Variants in ERICH1 observed in about 807,000 individuals in gnomAD.
ERICH1 encodes glutamate rich 1, also known as glutamate-rich protein 1.
Under a neutral mutation model 39.6 loss-of-function variants are expected in ERICH1, and 56 were observed. That is an observed-to-expected ratio of 1.41 (90% confidence interval 1.14 to 1.77). The LOEUF is 1.77. ERICH1 is among the 40% of genes most tolerant of loss of function. The pLI is 0.00. For missense variants in ERICH1, 826 were observed against 575.4 expected (o/e 1.44, Z -4.45); for synonymous variants, 313 against 223.6 (o/e 1.40, Z -3.57).
At chr8:618,631 G>T (rs1797087548) in intron 3 of ERICH1, among the ~76,000 whole-genome samples, 2 of 152,190 alleles carry the variant, frequency 1.3e-5, no homozygotes, top group African/African-American at 4.8e-5. Flanking sequence ...CTGTGAAATG[G>T]GTGTGACTGA....
At chr8:706,802 T>C (rs1198778544) in intron 2 of ERICH1, among the ~76,000 whole-genome samples, 2 of 151,830 alleles carry the variant, frequency 1.3e-5, no homozygotes, top group African/African-American at 4.8e-5. Context: ...AAGATAAAAC[T>C]GCACTCTGAA....
intron 5 of ERICH1, among the ~76,000 whole-genome samples, chr8:665,178 G>A (rs1376184517): frequency 3.4e-5 from 5 of 148,316 alleles, no homozygotes; most frequent in South Asian, 4.3e-4. Context: ...CCACAATCGC[G>A]ATGCCACAAT....
chr8:680,760 C>G (rs1435274197), intron 3 of ERICH1, among the ~76,000 whole-genome samples: 5 of 152,218 alleles, frequency 3.3e-5, no homozygotes, highest in Non-Finnish European at 7.3e-5. Context: ...AGGAATGTGC[C>G]ACCAACACAC....
chr8:641,912 T>A (rs890546250), intron 3 of ERICH1, among the ~76,000 whole-genome samples: 3 of 152,172 alleles, frequency 2.0e-5, no homozygotes, highest in African/African-American at 7.2e-5. Flanking sequence ...CGTCCTCCAG[T>A]CTCCACTGGT....
rs374925158 is a variant in ERICH1 at position 656,721 on chromosome 8, G to C, written c.976+11877C>G. 496 of 981,908 alleles carry C rather than the reference G, an allele frequency of 5.1e-4. 7 individuals are homozygous for C. In the African/African-American group the frequency reaches 7.9e-3, roughly 16 times the overall value. The allele number at this position is 981,908 out of a possible 1,614,324, so 60.8% of individuals were successfully genotyped here. On this transcript the variant is annotated intron_variant, in intron 3 of 3. Transcript: ENST00000522706. ...TTCACGCTGTGTCTTTCCTGCTGCAGGTCTGGGAAGAACATTTCTACAAGG... is the reference window on the plus strand; with the variant it reads ...TTCACGCTGTGTCTTTCCTGCTGCACGTCTGGGAAGAACATTTCTACAAGG...
intron 5 of ERICH1, chr8:666,708 C>A (rs910529909): frequency 6.6e-6 from 1 of 152,520 alleles, no homozygotes; most frequent in African/African-American, 2.4e-5. Context: ...GTCTGACTGG[C>A]ACCTGCATAG....
intron 3 of ERICH1, among the ~76,000 whole-genome samples, chr8:629,412 TCA>T (rs1797800388): frequency 7.4e-6 from 1 of 134,770 alleles, no homozygotes; most frequent in African/African-American, 2.8e-5. Context: ...CAGAGCTGAC[TCA>T]CACCCTCCTG....
chr8:665,056 G>T (rs1801977925), intron 5 of ERICH1, among the ~76,000 whole-genome samples: 1 of 152,218 alleles, frequency 6.6e-6, no homozygotes, highest in Non-Finnish European at 1.5e-5. Flanking sequence ...TCAAGGGTGA[G>T]CAAGTAGAAA....
chr8:707,207 T>TC (rs1491391403), intron 2 of ERICH1, among the ~76,000 whole-genome samples: 1 of 109,374 alleles, frequency 9.1e-6, no homozygotes, highest in Non-Finnish European at 2.0e-5. Context: ...TTTTTTTGTT[T>TC]CTTTTTTTTT....
At chr8:677,525 C>A (rs557318421) in intron 3 of ERICH1, among the ~76,000 whole-genome samples, 1 of 152,310 alleles carries the variant, frequency 6.6e-6, no homozygotes, top group East Asian at 1.9e-4. Context: ...ATAATTTCAT[C>A]TGCGAGTGTG....
intron 3 of ERICH1, among the ~76,000 whole-genome samples, chr8:632,519 T>G (rs971956168): frequency 2.6e-5 from 4 of 152,204 alleles, no homozygotes; most frequent in African/African-American, 7.2e-5. Context: ...TTTATGAACA[T>G]TGTTTTGGGG....
intron 4 of ERICH1, among the ~76,000 whole-genome samples, chr8:671,093 A>C (rs1803229495): frequency 6.6e-6 from 1 of 151,450 alleles, no homozygotes; most frequent in African/African-American, 2.4e-5. Flanking sequence ...CCCGGCTCTA[A>C]TGTCTGTGCT....
At chr8:688,288 CCCG>C (rs1808027789) in intron 3 of ERICH1, among the ~76,000 whole-genome samples, 1 of 145,980 alleles carries the variant, frequency 6.9e-6, no homozygotes, top group African/African-American at 2.6e-5. Flanking sequence ...CCCGCCCCGC[CCCG>C]GCCCTTCCGC....
At chr8:715,775 C>G in intron 2 of ERICH1, 86 bp downstream of exon 2, 1 of 1,526,786 alleles carries the variant, frequency 6.5e-7, no homozygotes, top group Non-Finnish European at 8.8e-7. Flanking sequence ...GCCCGAGGCC[C>G]AAAAGACACA....
chr8:702,535 G>T (rs1812390551), intron 2 of ERICH1, among the ~76,000 whole-genome samples: 1 of 152,194 alleles, frequency 6.6e-6, no homozygotes, highest in South Asian at 2.1e-4. Context: ...AGCCAAGACG[G>T]AAAAGTCTTG....
intron 1 of ERICH1, among the ~76,000 whole-genome samples, chr8:728,570 C>T (rs1308800705): frequency 6.6e-6 from 1 of 152,162 alleles, no homozygotes; most frequent in Non-Finnish European, 1.5e-5. Flanking sequence ...AGAAACAGCC[C>T]GACCTGAGCT....
Position 635,117 on chromosome 8 carries a change from C to A in ERICH1, c.977-19833G>T, listed in dbSNP as rs951316416. On this transcript the variant is annotated intron_variant, in intron 3 of 3. Transcript: ENST00000522706. ...CCACTCAGCTAAAAAAAAAAAGCAC[C>A]TCACCAGGAGTGGGCGTGGCCGCAT... Among the ~76,000 whole-genome samples, 6 of 152,060 alleles carry A rather than the reference C, an allele frequency of 3.9e-5. No individual in the cohort carries two copies. In the East Asian group the frequency reaches 1.2e-3, roughly 29 times the overall value.
At chr8:634,179 A>AAC (rs71513035) in intron 3 of ERICH1, among the ~76,000 whole-genome samples, 1 of 43,610 alleles carries the variant, frequency 2.3e-5, no homozygotes, top group African/African-American at 1.2e-4. Flanking sequence ...AAAAAAAAAA[A>AAC]AAAAAAACAA....
chr8:725,527 C>T (rs903527743), intron 1 of ERICH1: 1 of 152,646 alleles, frequency 6.6e-6, no homozygotes, highest in African/African-American at 2.4e-5. Flanking sequence ...GCACATTGGG[C>T]ATCCACCACC....
Sources: gnomAD v4.1 joint callset for allele counts (sites outside exome capture counted in the v4.1 genomes callset) on GRCh38, gnomAD v4.1.1 for gene constraint, MANE v1.5 for transcripts, NCBI Gene and HGNC (gene_info 2026-07-23, HGNC 2026-07-21) for gene names.